Variants in ANXA4 observed in about 807,000 individuals in gnomAD.
The protein encoded by ANXA4 is 35-beta calcimedin.
In ANXA4, 39 loss-of-function variants were observed where a neutral mutation model predicts 49.8. The ratio of observed to expected loss-of-function variants is 0.78; its 90% CI spans 0.61 to 1.02. The LOEUF (loss-of-function observed/expected upper bound fraction) is 1.02, where lower values mean the gene tolerates loss of function less well. ANXA4 is among the 50% of genes least tolerant of loss of function. The probability of loss-of-function intolerance (pLI) is 0.00; values close to 1 mark genes in which losing one functional copy is unlikely to be tolerated. For missense variants in ANXA4, 360 were observed against 410.1 expected (o/e 0.88, Z 1.05); for synonymous variants, 134 against 152.5 (o/e 0.88, Z 0.89).
intron 6 of ANXA4, 51 bp downstream of exon 6, chr2:69,808,047 A>C (rs1312333783): frequency 6.5e-7 from 1 of 1,546,218 alleles, no homozygotes; most frequent in Admixed American, 1.7e-5. Flanking sequence ...TGATTAGAGA[A>C]TGAGGGTAGC....
intron 2 of ANXA4, among the ~76,000 whole-genome samples, chr2:69,670,783 G>A (rs1319124595): frequency 6.6e-6 from 1 of 152,038 alleles, no homozygotes; most frequent in African/African-American, 2.4e-5. Flanking sequence ...CAGCACTCTA[G>A]GAGGTTGAAA....
intron 2 of ANXA4, among the ~76,000 whole-genome samples, chr2:69,671,938 A>G (rs981437990): frequency 5.3e-5 from 8 of 152,214 alleles, no homozygotes; most frequent in African/African-American, 1.4e-4. Context: ...CTAATTTGCA[A>G]AACAGTTTGA....
chr2:69,732,928 A>G (rs2105450108), intron 3 of ANXA4, among the ~76,000 whole-genome samples: 1 of 152,330 alleles, frequency 6.6e-6, no homozygotes, highest in South Asian at 2.1e-4. Flanking sequence ...CTTGGAGACC[A>G]TGATCTGTGA....
At chr2:69,719,793 A>C (rs1353523977) in intron 2 of ANXA4, among the ~76,000 whole-genome samples, 2 of 152,030 alleles carry the variant, frequency 1.3e-5, no homozygotes, top group African/African-American at 4.8e-5. Flanking sequence ...AAAAATCATT[A>C]AATTTTGTAT....
intron 12 of ANXA4, among the ~76,000 whole-genome samples, chr2:69,821,544 A>C (rs1401503977): frequency 6.6e-6 from 1 of 151,912 alleles, no homozygotes; most frequent in Non-Finnish European, 1.5e-5. Context: ...ATCTCCACTC[A>C]CTGCAACCTC....
chr2:69,775,943 C>T (rs1426769031), intron 1 of ANXA4, among the ~76,000 whole-genome samples: 1 of 138,968 alleles, frequency 7.2e-6, no homozygotes, highest in Non-Finnish European at 1.5e-5. Context: ...TTCTTCCAGG[C>T]CATTTTATTT....
intron 2 of ANXA4, 65 bp downstream of exon 2, chr2:69,781,639 A>G: frequency 6.4e-7 from 1 of 1,564,262 alleles, no homozygotes; most frequent in Non-Finnish European, 8.8e-7. Flanking sequence ...ATGTGGGCTC[A>G]GCAACTGTTA....
chr2:69,772,595 T>C (rs10204989), intron 1 of ANXA4, among the ~76,000 whole-genome samples: 36,954 of 152,076 alleles, frequency 0.24, 4,542 homozygotes, highest in East Asian at 0.34. Context: ...CCAAGAGTTA[T>C]TGAGGCCTTA....
At chr2:69,707,972 T>C (rs1678550758) in intron 2 of ANXA4, among the ~76,000 whole-genome samples, 1 of 152,264 alleles carries the variant, frequency 6.6e-6, no homozygotes, top group Non-Finnish European at 1.5e-5. Context: ...TTTATTCTTA[T>C]GGACTGGTTT....
Position 69,744,992 on chromosome 2 carries a change from G to A in ANXA4, c.-47+2817G>A, listed in dbSNP as rs762090887. ...ACACTGCTGTTGTCCCAGCTACTTG[G>A]GAGCCTGAGGCAGGAGGATCCCTTG... On this transcript the variant is annotated intron_variant, in intron 1 of 12. Coordinates refer to ENST00000394295, the MANE Select transcript of ANXA4 (RefSeq NM_001153.5). 1.1e-3 allele frequency among the ~76,000 whole-genome samples: 171 copies of A among 152,178 alleles called. 3 individuals carry two copies. Among genetic ancestry groups the A allele is most frequent in the Non-Finnish European group, 3.7e-4 (25 of 68,032 alleles).
rs149241609 is a variant in ANXA4 at position 69,662,560 on chromosome 2, A to G, written n.766+9278A>G. Among the ~76,000 whole-genome samples the G allele has an allele frequency of 1.8e-4, 28 of 152,306 alleles. No individual in the cohort carries two copies. In the East Asian group the frequency reaches 4.4e-3, roughly 24 times the overall value. ...CCATATGAAACTTAAGATGATGTCT[A>G]CTGAGCTGCTTGGTATTCTTCCTGC... On this transcript the variant is annotated intron_variant and non_coding_transcript_variant, in intron 2 of 3. Transcript: ENST00000418066.
intron 3 of ANXA4, among the ~76,000 whole-genome samples, chr2:69,791,750 A>G (rs193126866): frequency 6.6e-6 from 1 of 152,360 alleles, no homozygotes; most frequent in African/African-American, 2.4e-5. Context: ...AGAACTTGTT[A>G]AAGTCCCATG....
chr2:69,689,560 C>G (rs551235514), intron 2 of ANXA4, among the ~76,000 whole-genome samples: 1 of 152,200 alleles, frequency 6.6e-6, no homozygotes, highest in East Asian at 1.9e-4. Context: ...TTCTAAGACC[C>G]ACCACCAACC....
intron 3 of ANXA4, among the ~76,000 whole-genome samples, chr2:69,733,210 A>C (rs1670150993): frequency 6.6e-6 from 1 of 152,328 alleles, no homozygotes; most frequent in South Asian, 2.1e-4. Flanking sequence ...TAGTCTTAAG[A>C]TTTACTGGAA....
At chr2:69,783,505 G>A (rs1672286572) in intron 2 of ANXA4, among the ~76,000 whole-genome samples, 1 of 152,156 alleles carries the variant, frequency 6.6e-6, no homozygotes, top group Non-Finnish European at 1.5e-5. Context: ...GTGAGCCACC[G>A]CGCCCAGCTT....
chr2:69,750,970 A>G, intron 1 of ANXA4, among the ~76,000 whole-genome samples: 1 of 152,138 alleles, frequency 6.6e-6, no homozygotes, highest in East Asian at 1.9e-4. Flanking sequence ...TCTCTGCTGG[A>G]GATGTTGATA....
At chr2:69,823,563 G>A (rs1674336907) in intron 12 of ANXA4, among the ~76,000 whole-genome samples, 2 of 152,188 alleles carry the variant, frequency 1.3e-5, no homozygotes, top group African/African-American at 4.8e-5. Context: ...AGAAAGCGGA[G>A]ATTATGCTAT....
chr2:69,679,788 G>A (rs1677533334), intron 2 of ANXA4, among the ~76,000 whole-genome samples: 2 of 152,132 alleles, frequency 1.3e-5, no homozygotes, highest in African/African-American at 4.8e-5. Flanking sequence ...TCTGTTATTG[G>A]CACCTTTGTA....
chr2:69,793,593 T>C (rs188508148), intron 3 of ANXA4, among the ~76,000 whole-genome samples: 167 of 152,332 alleles, frequency 1.1e-3, no homozygotes, highest in African/African-American at 3.2e-3. Flanking sequence ...AATTGGATTA[T>C]TGGCCTCTGA....
Sources: allele counts gnomAD v4.1 joint callset (sites outside exome capture counted in the v4.1 genomes callset), GRCh38; gene constraint gnomAD v4.1.1; transcripts MANE v1.5; gene names NCBI Gene and HGNC (gene_info 2026-07-23, HGNC 2026-07-21).